Variants in FANCG observed in about 807,000 individuals in gnomAD.
The protein encoded by FANCG is Fanconi anemia group G protein.
FANCG carries 67 observed loss-of-function variants against 73.3 expected under a neutral mutation model. The observed-to-expected ratio is 0.91, with a 90% CI of 0.75 to 1.12. FANCG has a LOEUF of 1.12. Among genes scored for constraint, FANCG ranks in the 50% most tolerant of loss-of-function variants. The pLI is 0.00. For synonymous variants in FANCG, 297 were observed against 311.6 expected (o/e 0.95, Z 0.49); for missense variants, 643 against 735.6 (o/e 0.87, Z 1.46).
rs1043029775 is a variant in FANCG, at chr9:35,073,901, A to C, written c.*207T>G. 5 of 634,604 alleles carry C rather than the reference A, an allele frequency of 7.9e-6. No homozygotes were observed. The African/African-American group carries it at 9.2e-5, about 12-fold the overall frequency. The allele number at this position is 634,604 out of a possible 1,614,324, so 39.3% of individuals were successfully genotyped here. On this transcript the variant is annotated 3_prime_UTR_variant, in exon 14 of 14. Transcript: ENST00000378643. ...ACAGGAAAAAAGGTGCCTCGAGCAA[A>C]GTCAATGACTTGGTGGTGGCAGAGA...
rs1441572874 is a variant in FANCG, at chr9:35,078,045, C to T, written c.510+96G>A. On this transcript the variant is annotated intron_variant, in intron 4 of 13. Coordinates refer to ENST00000378643, the MANE Select transcript of FANCG (RefSeq NM_004629.2). ...CCAGGTTTTCCGACCACCAACCCAG[C>T]CGCCTGTCCAGTACATGATGATGCT... 4.0e-6 allele frequency: 5 copies of T among 1,244,756 alleles called. No individual in the cohort carries two copies. In the Admixed American group the frequency reaches 8.4e-5, roughly 21 times the overall value. 77.1% of individuals were successfully genotyped at this position (1,244,756 alleles called of 1,614,324 possible).
rs955462060 is a variant in FANCG at position 35,077,023 on chromosome 9, C to G, written c.725G>C (p.Arg242Pro). 1 of 1,614,232 alleles carries G rather than the reference C, an allele frequency of 6.2e-7. No homozygotes were observed. Residue 242 changes from arginine to proline, a missense_variant, in exon 6 of 14, where the codon CGG (arginine) becomes CCG (proline). Transcript: ENST00000378643. ...LHEAASGLCP[R>P]PVLVQVYTAL... ...TGTGTACACCTGGACCAACACAGGCCGTGGACACAGGCCTGAGGCCGCTTC... is the reference window on the plus strand; with the variant it reads ...TGTGTACACCTGGACCAACACAGGCGGTGGACACAGGCCTGAGGCCGCTTC...
chr9:35,079,596 A>G lies in FANCG; in HGVS notation c.-72T>C, dbSNP rs1829146774. 6.6e-7 allele frequency: 1 copy of G among 1,509,044 alleles called. No homozygotes were observed. Among genetic ancestry groups the G allele is most frequent in the African/African-American group, 1.4e-5 (1 of 72,750 alleles). 93.5% of individuals were successfully genotyped at this position (1,509,044 alleles called of 1,614,324 possible). A position where few individuals can be genotyped will look rare whatever the true frequency, so the allele number is the denominator to read the frequency against. ...TGAAGCTGGCCTGCCCAAGCTCCCA[A>G]CCCCAGCGGGGAGGGGCCTGGGCAC... On this transcript the variant is annotated 5_prime_UTR_variant, in exon 1 of 14. Transcript: ENST00000378643.
chr9:35,078,351 G>A lies in FANCG; in HGVS notation c.308-8C>T, dbSNP rs776375811. On this transcript the variant is annotated splice_region_variant and splice_polypyrimidine_tract_variant and intron_variant, in intron 3 of 13. Transcript: ENST00000378643. ...GCTCCTGTGTCTCCAGCACTGTAGA[G>A]TATACACACACACATAGACACACAC... 70 of 1,611,944 alleles carry A rather than the reference G, an allele frequency of 4.3e-5. No individual in the cohort carries two copies. The highest frequency in any genetic ancestry group is 5.9e-5 in the Non-Finnish European group (69 of 1,179,288).
chr9:35,078,857 G>T, intron 2 of FANCG, 121 bp from the exon 3 acceptor site: 2 of 1,332,910 alleles, frequency 1.5e-6, no homozygotes, highest in Non-Finnish European at 2.1e-6. Context: ...CCACCCTCCA[G>T]CCAATTAGCT....
At chr9:35,076,128 G>C in intron 8 of FANCG, 100 bp from the exon 9 acceptor site, 1 of 1,248,640 alleles carries the variant, frequency 8.0e-7, no homozygotes, top group Non-Finnish European at 1.2e-6. Context: ...GATGTTCATG[G>C]GCCCTGAGGA....
In FANCG at chr9:35,077,266, TGGCGGTA is replaced by T. The variant is rs587776640; in HGVS notation, c.637_643del (p.Tyr213LysfsTer6). The T allele has an allele frequency of 9.3e-6, 15 of 1,614,220 alleles. No homozygotes were observed. The African/African-American group carries it at 1.3e-4, about 14-fold the overall frequency. ...GATGAGTCAGGTTGCTAGCTGACCT[TGGCGGTA>T]GGCAAATGCTGTCAGGAGGACATCC... On this transcript the variant is annotated frameshift_variant, in exon 5 of 14. Coordinates refer to ENST00000378643, the MANE Select transcript of FANCG (RefSeq NM_004629.2). LOFTEE classifies it high-confidence loss of function.
At chr9:35,078,484 A>T in intron 3 of FANCG, 121 bp downstream of exon 3, 1 of 1,536,738 alleles carries the variant, frequency 6.5e-7, no homozygotes, top group South Asian at 1.1e-5. Flanking sequence ...TCTGAAGAGC[A>T]CAGAGAAGGG....
chr9:35,074,083 G>T lies in FANCG; in HGVS notation c.*25C>A. On this transcript the variant is annotated 3_prime_UTR_variant, in exon 14 of 14. Coordinates refer to ENST00000378643, the MANE Select transcript of FANCG (RefSeq NM_004629.2). ...AGAGAGACAGCCCACTGGGGACCCA[G>T]CTCAAGCTCTTCAAAACGTGGCAGC... 1 of 1,577,898 alleles carries T rather than the reference G, an allele frequency of 6.3e-7. No individual in the cohort carries two copies. The highest frequency in any genetic ancestry group is 8.7e-7 in the Non-Finnish European group (1 of 1,147,046).
Position 35,074,481 on chromosome 9 carries a change from AGTGTCTCGATTACCT to A in FANCG, c.1637-2_1649del, listed in dbSNP as rs1829042826. The A allele has an allele frequency of 6.2e-7, 1 of 1,613,948 alleles. No homozygotes were observed. Among genetic ancestry groups the A allele is most frequent in the Admixed American group, 1.7e-5 (1 of 60,002 alleles). ...TCAGAGTCTGAAGCAGGTGAAAGTAAGTGTCTCGATTACCTGTAGCCCCAGCCCAGAGTACAGAGT... is the reference window on the plus strand; with the variant it reads ...TCAGAGTCTGAAGCAGGTGAAAGTAAGTAGCCCCAGCCCAGAGTACAGAGT... On this transcript the variant is annotated splice_acceptor_variant and coding_sequence_variant, in exon 13 of 14. Transcript: ENST00000378643. LOFTEE classifies it high-confidence loss of function.
At chr9:35,075,384 G>T (rs1479693263) in intron 10 of FANCG, 59 bp from the exon 11 acceptor site, 2 of 1,613,366 alleles carry the variant, frequency 1.2e-6, no homozygotes, top group Non-Finnish European at 1.7e-6. Flanking sequence ...TCTAGGGTAA[G>T]TAGGTGAACA....
In FANCG at chr9:35,077,107, G is replaced by A. The variant is rs1829099709; in HGVS notation, c.647-6C>T. On this transcript the variant is annotated splice_region_variant and splice_polypyrimidine_tract_variant and intron_variant, in intron 5 of 13. Transcript: ENST00000378643. ...TGTGATCAGCTCCTGGAGACCTGAG[G>A]ACAGTCAGGGTGTGAGCTTGGAGAG... 1 of 1,614,200 alleles carries A rather than the reference G, an allele frequency of 6.2e-7. No homozygotes were observed. The highest frequency in any genetic ancestry group is 8.5e-7 in the Non-Finnish European group (1 of 1,180,032).
At chr9:35,075,200 G>C (rs1829059436) in intron 11 of FANCG, 79 bp downstream of exon 11, 1 of 1,599,920 alleles carries the variant, frequency 6.3e-7, no homozygotes, top group Non-Finnish European at 8.6e-7. Flanking sequence ...CTCCTGGTGG[G>C]CTGGGACACA....
In FANCG at chr9:35,079,331, T is replaced by C. The variant is rs1829141999; in HGVS notation, c.85-90A>G. ...AAGGGATGCATTCTCCAGTCATTTC[T>C]GGCTCTTTGGTCAAGCTCAGTCCCT... On this transcript the variant is annotated intron_variant, in intron 1 of 13. Transcript: ENST00000378643. The C allele has an allele frequency of 4.5e-6, 7 of 1,550,216 alleles. No homozygotes were observed. The East Asian group carries it at 1.6e-4, about 35-fold the overall frequency.
At position 35,074,226 on chromosome 9, in the gene FANCG, A is replaced by G. The variant is rs1363368892; in HGVS notation, c.1761-10T>C. 6.2e-7 allele frequency: 1 copy of G among 1,613,468 alleles called. No homozygotes were observed. On this transcript the variant is annotated splice_polypyrimidine_tract_variant and intron_variant, in intron 13 of 13. Coordinates refer to ENST00000378643, the MANE Select transcript of FANCG (RefSeq NM_004629.2). The stretch of plus-strand genomic sequence containing the variant: ...GTACAGGGGGAGAGACCTGGAGAGA[A>G]AGAAGGATGATGCCTAAGGGTGAAA...
At chr9:35,077,205 G>C (rs1358365782) in intron 5 of FANCG, 59 bp downstream of exon 5, 23 of 1,613,874 alleles carry the variant, frequency 1.4e-5, no homozygotes, top group Non-Finnish European at 1.9e-5. Flanking sequence ...ACAAGAGAGA[G>C]GGCATGAGTC....
At position 35,077,332 on chromosome 9, in the gene FANCG, G is replaced by T. The variant is rs766784578; in HGVS notation, c.578C>A (p.Ala193Asp). 6.2e-7 allele frequency: 1 copy of T among 1,614,136 alleles called. No homozygotes were observed. Among genetic ancestry groups the T allele is most frequent in the South Asian group, 1.1e-5 (1 of 91,084 alleles). The change falls in exon 5 of 14, where the codon GCT becomes GAT. Residue 193 changes from alanine (A) to aspartate (D), a missense_variant. Coordinates refer to ENST00000378643, the MANE Select transcript of FANCG (RefSeq NM_004629.2). ...TWSPPAEELD[A>D]PLTLQDAQGL... is the part of the protein sequence containing the mutation. ...CTGGGCATCCTGCAGGGTCAATGGA[G>T]CATCTAATTCCTCAGCTGGGGGACT...
At chr9:35,078,988 G>C (rs1829134767) in intron 2 of FANCG, among the ~76,000 whole-genome samples, 163 bp downstream of exon 2, 1 of 152,260 alleles carries the variant, frequency 6.6e-6, no homozygotes, top group African/African-American at 2.4e-5. Flanking sequence ...GTGTAAGGAA[G>C]AGAGGGATTT....
At chr9:35,076,331 C>T (rs892271207) in intron 8 of FANCG, 101 bp downstream of exon 8, 2 of 1,422,780 alleles carry the variant, frequency 1.4e-6, no homozygotes, top group East Asian at 2.3e-5. Flanking sequence ...CCTGCCACTG[C>T]CTCATTCATC....
Sources: allele counts gnomAD v4.1 joint callset (sites outside exome capture counted in the v4.1 genomes callset), GRCh38; gene constraint gnomAD v4.1.1; transcripts MANE v1.5; gene names NCBI Gene and HGNC (gene_info 2026-07-23, HGNC 2026-07-21).